PCDH15: variants seen among roughly 807,000 people sequenced by gnomAD.
PCDH15 encodes protocadherin related 15, also known as protocadherin-15.
In PCDH15, 129 loss-of-function variants were observed where a neutral mutation model predicts 178.5. That is an observed-to-expected ratio of 0.72 (90% CI 0.63 to 0.84). The LOEUF (loss-of-function observed/expected upper bound fraction) is 0.84. Among genes scored for constraint, PCDH15 ranks in the 40% least tolerant of loss-of-function variants. The pLI is 0.00. For missense variants in PCDH15, 2,230 were observed against 2,099.9 expected (o/e 1.06, Z -1.21); for synonymous variants, 800 against 732.0 (o/e 1.09, Z -1.50).
chr10:55,116,977 T>C (rs936257620), intron 2 of PCDH15, among the ~76,000 whole-genome samples: 1 of 152,198 alleles, frequency 6.6e-6, no homozygotes, highest in African/African-American at 2.4e-5. Flanking sequence ...CTTATTACCA[T>C]TAGGTGACAC....
intron 1 of PCDH15, among the ~76,000 whole-genome samples, chr10:55,249,640 G>A (rs923306756): frequency 1.3e-5 from 2 of 152,086 alleles, no homozygotes; most frequent in South Asian, 2.1e-4. Context: ...TCTAATTGTT[G>A]TATTAGTAAG....
In PCDH15 at chr10:55,125,877, G is replaced by A. The variant is rs150958010; in HGVS notation, c.-80+40699C>T. 1.2e-4 allele frequency among the ~76,000 whole-genome samples: 18 copies of A among 152,046 alleles called. No homozygotes were observed. The East Asian group carries it at 2.7e-3, about 23-fold the overall frequency. ...TTGGTAGGCATAGCTTCTTTCTTTC[G>A]CCATCCATTTCATGATCTTATCCTG... On this transcript the variant is annotated intron_variant, in intron 2 of 5. Transcript: ENST00000458638.
intron 2 of PCDH15, among the ~76,000 whole-genome samples, chr10:55,363,283 G>A (rs1328233778): frequency 6.6e-6 from 1 of 152,126 alleles, no homozygotes; most frequent in Admixed American, 6.5e-5. Context: ...ATGAATAAAT[G>A]TATATTCAGT....
intron 1 of PCDH15, among the ~76,000 whole-genome samples, chr10:54,699,891 C>A (rs2095285523): frequency 6.6e-6 from 1 of 151,912 alleles, no homozygotes; most frequent in Non-Finnish European, 1.5e-5. Flanking sequence ...AACAAATGGA[C>A]AAAATGAACA....
chr10:53,904,389 T>A (rs1251211443), intron 25 of PCDH15, among the ~76,000 whole-genome samples: 1 of 152,064 alleles, frequency 6.6e-6, no homozygotes, highest in Non-Finnish European at 1.5e-5. Flanking sequence ...ACTTGCAGGA[T>A]ACATCATGGG....
chr10:55,519,291 A>AAC (rs764098438), intron 2 of PCDH15, among the ~76,000 whole-genome samples: 77 of 150,742 alleles, frequency 5.1e-4, no homozygotes, highest in Admixed American at 9.9e-4. Context: ...AGTGTAAAAA[A>AAC]AAAAAAAAAC....
chr10:54,122,002 T>C (rs11510900), intron 15 of PCDH15, among the ~76,000 whole-genome samples: 66,713 of 146,334 alleles, frequency 0.46, 15,300 homozygotes, highest in Middle Eastern at 0.53. Context: ...CAAAGACACA[T>C]ACACACACAC....
chr10:54,785,513 G>A (rs1309203559), intron 1 of PCDH15, among the ~76,000 whole-genome samples: 1 of 151,926 alleles, frequency 6.6e-6, no homozygotes, highest in African/African-American at 2.4e-5. Context: ...GAGTTTCCTG[G>A]ATCCCCTTTT....
intron 3 of PCDH15, among the ~76,000 whole-genome samples, chr10:54,470,310 G>T (rs1219857): frequency 9.5e-4 from 145 of 152,244 alleles, no homozygotes; most frequent in African/African-American, 3.4e-3. Flanking sequence ...TTAAGCGTGT[G>T]GCGACCCTGC....
intron 25 of PCDH15, chr10:53,907,297 TC>T (rs1335071973): frequency 2.6e-5 from 4 of 152,154 alleles, no homozygotes; most frequent in Admixed American, 1.3e-4. Flanking sequence ...CCATGTTGTA[TC>T]CTTTATTTAA....
chr10:53,978,506 C>T (rs770229348), intron 21 of PCDH15, among the ~76,000 whole-genome samples: 5 of 152,036 alleles, frequency 3.3e-5, no homozygotes, highest in Admixed American at 6.5e-5. Flanking sequence ...ATTTTTCCCT[C>T]TTAGGCCTCT....
intron 8 of PCDH15, among the ~76,000 whole-genome samples, chr10:54,283,666 G>A (rs1477368426): frequency 1.3e-5 from 2 of 152,000 alleles, no homozygotes; most frequent in Non-Finnish European, 2.9e-5. Context: ...AAAACATCCT[G>A]AATACTCTAT....
At chr10:55,291,153 A>C (rs756272094) in intron 1 of PCDH15, among the ~76,000 whole-genome samples, 36 of 152,124 alleles carry the variant, frequency 2.4e-4, no homozygotes, top group Non-Finnish European at 4.6e-4. Flanking sequence ...TTTCAAAAAC[A>C]ATCATGCCTT....
chr10:54,804,740 C>A (rs1952747129), upstream of PCDH15, among the ~76,000 whole-genome samples: 1 of 151,472 alleles, frequency 6.6e-6, no homozygotes, highest in Non-Finnish European at 1.5e-5. Flanking sequence ...TAATGCTCTA[C>A]TGTATGCCAA....
intron 3 of PCDH15, among the ~76,000 whole-genome samples, chr10:54,840,806 G>A (rs145062908): frequency 7.8e-4 from 119 of 151,874 alleles, no homozygotes; most frequent in African/African-American, 2.7e-3. Flanking sequence ...AAATAGACTT[G>A]TAGTCAAAAT....
chr10:54,994,140 A>C (rs985334295), intron 2 of PCDH15, among the ~76,000 whole-genome samples: 2 of 152,198 alleles, frequency 1.3e-5, no homozygotes, highest in African/African-American at 4.8e-5. Context: ...GCTTTTTAAA[A>C]AATGATGTTT....
intron 2 of PCDH15, among the ~76,000 whole-genome samples, chr10:55,620,762 T>C (rs556596521): frequency 6.6e-6 from 1 of 151,590 alleles, no homozygotes; most frequent in African/African-American, 2.4e-5. Flanking sequence ...AGTGGTACAA[T>C]AATTAATATA....
At chr10:55,111,950 T>C (rs1009788574) in intron 2 of PCDH15, among the ~76,000 whole-genome samples, 2 of 152,212 alleles carry the variant, frequency 1.3e-5, no homozygotes, top group Admixed American at 1.3e-4. Context: ...TTCAATAAGG[T>C]ATGCAAATAA....
chr10:55,542,494 A>G (rs1434116042), intron 2 of PCDH15, among the ~76,000 whole-genome samples: 2 of 150,772 alleles, frequency 1.3e-5, no homozygotes, highest in Admixed American at 6.6e-5. Context: ...TGGATCAAAA[A>G]TTACATATGT....
Sources: allele counts gnomAD v4.1 joint callset (sites outside exome capture counted in the v4.1 genomes callset), GRCh38; gene constraint gnomAD v4.1.1; transcripts MANE v1.5; gene names NCBI Gene and HGNC (gene_info 2026-07-23, HGNC 2026-07-21).